TMEM260: variants seen among roughly 807,000 people sequenced by gnomAD.
TMEM260 encodes protein O-mannosyl-transferase TMEM260.
TMEM260 carries 82 observed loss-of-function variants against 88.9 expected under a neutral mutation model. That is an observed-to-expected ratio of 0.92 (90% CI 0.77 to 1.11). The LOEUF is 1.11. TMEM260 is among the 50% of genes least tolerant of loss of function. TMEM260 has a pLI of 0.00. For missense variants in TMEM260, 902 were observed against 853.4 expected (o/e 1.06, Z -0.71); for synonymous variants, 314 against 309.3 (o/e 1.02, Z -0.16).
rs571423463 is a variant in TMEM260, at chr14:56,596,244, A to G, written c.345-7571A>G. ...AAATGTTTGGACCTACATTGAGGTC[A>G]TTAGAAACCATTTCTACTTGGAGGG... is the stretch of plus-strand genomic sequence containing the variant. On this transcript the variant is annotated intron_variant, in intron 3 of 15. Transcript: ENST00000261556. 1.2e-4 allele frequency among the ~76,000 whole-genome samples: 19 copies of G among 152,140 alleles called. No individual in the cohort carries two copies. The South Asian group carries it at 3.9e-3, about 32-fold the overall frequency.
chr14:56,645,115 ACCATTTGACCCAGCCATC>A (rs1341004728), intron 15 of TMEM260, among the ~76,000 whole-genome samples: 5 of 150,636 alleles, frequency 3.3e-5, no homozygotes, highest in African/African-American at 9.7e-5. Context: ...AACTAGAAAT[ACCATTTGACCCAGCCATC>A]CCATTACTGG....
intron 3 of TMEM260, among the ~76,000 whole-genome samples, chr14:56,597,818 C>CAG (rs142152669): frequency 1.3e-4 from 19 of 150,502 alleles, no homozygotes; most frequent in Admixed American, 2.0e-4. Flanking sequence ...TTATTTTCAA[C>CAG]AGAGAGAGAG....
chr14:56,606,574 A>C (rs1886915292), intron 5 of TMEM260, among the ~76,000 whole-genome samples: 1 of 152,188 alleles, frequency 6.6e-6, no homozygotes, highest in Admixed American at 6.5e-5. Flanking sequence ...AGAGGTTATA[A>C]AATTTTTACA....
downstream of TMEM260, among the ~76,000 whole-genome samples, chr14:56,655,573 C>T (rs1890286175): frequency 6.6e-6 from 1 of 152,096 alleles, no homozygotes; most frequent in African/African-American, 2.4e-5. Context: ...CAAAACTTTT[C>T]TCTTTCACTT....
intron 3 of TMEM260, among the ~76,000 whole-genome samples, chr14:56,588,958 A>G (rs1217463493): frequency 6.6e-6 from 1 of 152,030 alleles, no homozygotes; most frequent in Non-Finnish European, 1.5e-5. Context: ...GAAATTCACA[A>G]ATCCTATTAA....
intron 5 of TMEM260, among the ~76,000 whole-genome samples, chr14:56,607,890 A>ATTGTCTCCC (rs1324707504): frequency 2.0e-5 from 3 of 152,174 alleles, no homozygotes; most frequent in Non-Finnish European, 4.4e-5. Flanking sequence ...CTCTCATGCA[A>ATTGTCTCCC]TTGTCTCCCT....
At chr14:56,615,712 A>G (rs1238236639) in intron 7 of TMEM260, 5 of 478,550 alleles carry the variant, frequency 1.0e-5, no homozygotes, top group African/African-American at 3.9e-5. Flanking sequence ...TTCTGATCCT[A>G]TTCCAAATTA....
Position 56,618,610 on chromosome 14 carries a change from T to G in TMEM260, c.1073T>G (p.Met358Arg), listed in dbSNP as rs1566555149. ...CTTTCACAGGTGGAACGATTCTGGA[T>G]GCAGAGCAATGCAGTAGTGGCCGTC... ...LFMGVVERFW[M>R]QSNAVVAVLA... Residue 358 changes from methionine to arginine, a missense_variant, in exon 10 of 16, where the codon ATG (methionine) becomes AGG (arginine). Physicochemically the swap from Met to Arg is moderately conservative, Grantham distance 91. Transcript: ENST00000261556. 1.2e-6 allele frequency: 2 copies of G among 1,614,104 alleles called. No homozygotes were observed. Among genetic ancestry groups the G allele is most frequent in the Non-Finnish European group, 1.7e-6 (2 of 1,180,014 alleles).
chr14:56,589,923 G>A (rs1431395145), intron 3 of TMEM260, among the ~76,000 whole-genome samples: 1 of 152,104 alleles, frequency 6.6e-6, no homozygotes, highest in African/African-American at 2.4e-5. Context: ...CTTGCTTAAG[G>A]GACATTTGGA....
intron 12 of TMEM260, 83 bp downstream of exon 12, chr14:56,625,613 A>G: frequency 9.1e-7 from 1 of 1,098,378 alleles, no homozygotes; most frequent in South Asian, 1.7e-5. Flanking sequence ...GCATCATCCA[A>G]AAGACCAATT....
chr14:56,622,230 CT>C (rs1299250689), intron 11 of TMEM260, among the ~76,000 whole-genome samples: 1 of 150,028 alleles, frequency 6.7e-6, no homozygotes, highest in African/African-American at 2.5e-5. Context: ...GTAGTCCCAG[CT>C]ACTCGGGAGG....
At chr14:56,645,246 A>G (rs1399293654) in intron 15 of TMEM260, among the ~76,000 whole-genome samples, 1 of 149,594 alleles carries the variant, frequency 6.7e-6, no homozygotes, top group African/African-American at 2.4e-5. Context: ...AACCAACCCA[A>G]TGTCCAACAA....
chr14:56,614,952 A>G (rs967658847), intron 7 of TMEM260, among the ~76,000 whole-genome samples: 7 of 152,194 alleles, frequency 4.6e-5, no homozygotes, highest in Non-Finnish European at 8.8e-5. Flanking sequence ...CTAAATTGCA[A>G]TCCTGTACAA....
intron 12 of TMEM260, among the ~76,000 whole-genome samples, chr14:56,629,652 T>A (rs1458457454): frequency 6.6e-6 from 1 of 152,226 alleles, no homozygotes; most frequent in African/African-American, 2.4e-5. Context: ...TTTTCCTTTA[T>A]CTGAAAATGT....
chr14:56,611,672 G>C (rs1251274732), intron 6 of TMEM260, among the ~76,000 whole-genome samples: 1 of 152,148 alleles, frequency 6.6e-6, no homozygotes, highest in Admixed American at 6.5e-5. Context: ...ATTCAACCCA[G>C]CAATCCCATT....
chr14:56,638,623 A>G (rs947728955), intron 15 of TMEM260, among the ~76,000 whole-genome samples: 1 of 152,084 alleles, frequency 6.6e-6, no homozygotes, highest in African/African-American at 2.4e-5. Flanking sequence ...GATGTGTGAC[A>G]ATGTTTACAA....
intron 3 of TMEM260, among the ~76,000 whole-genome samples, chr14:56,588,932 A>T (rs1431090131): frequency 6.6e-6 from 1 of 152,040 alleles, no homozygotes; most frequent in Admixed American, 6.5e-5. Context: ...AATATTTAAA[A>T]TGCCCTATTC....
intron 14 of TMEM260, among the ~76,000 whole-genome samples, chr14:56,635,822 C>T (rs1291160354): frequency 6.7e-6 from 1 of 150,110 alleles, no homozygotes; most frequent in African/African-American, 2.5e-5. Context: ...TCAAGAAATA[C>T]AGCTGCAAAA....
chr14:56,624,345 G>A (rs1050463275), intron 11 of TMEM260, among the ~76,000 whole-genome samples: 9 of 152,272 alleles, frequency 5.9e-5, no homozygotes, highest in Admixed American at 2.6e-4. Context: ...AGGCCAAGGC[G>A]GGTGGAGCAC....
Sources: gnomAD v4.1 joint callset for allele counts (sites outside exome capture counted in the v4.1 genomes callset) on GRCh38, gnomAD v4.1.1 for gene constraint, MANE v1.5 for transcripts, NCBI Gene and HGNC (gene_info 2026-07-23, HGNC 2026-07-21) for gene names.